Variants in TBATA observed in about 807,000 individuals in gnomAD.
TBATA encodes protein TBATA.
TBATA carries 47 observed loss-of-function variants against 38.7 expected under a neutral mutation model. The observed-to-expected ratio is 1.21, with a 90% CI of 0.96 to 1.55. The LOEUF (loss-of-function observed/expected upper bound fraction) is 1.55. TBATA is among the 40% of genes most tolerant of loss of function. The pLI is 0.00. For synonymous variants in TBATA, 183 were observed against 170.5 expected (o/e 1.07, Z -0.57); for missense variants, 436 against 435.6 (o/e 1.00, Z -0.01).
intron 5 of TBATA, among the ~76,000 whole-genome samples, chr10:70,779,061 G>A (rs1843790852): frequency 1.3e-5 from 2 of 152,342 alleles, no homozygotes; most frequent in South Asian, 4.1e-4. Flanking sequence ...GGGTGGCAAA[G>A]AGAGCAGCAG....
intron 1 of TBATA, 29 bp downstream of exon 1, chr10:70,785,256 C>A (rs755418913): frequency 3.1e-4 from 48 of 152,470 alleles, no homozygotes; most frequent in African/African-American, 1.0e-3. Context: ...CAGGGTCCAT[C>A]TCCTCTCCCG....
chr10:70,774,576 G>T (rs372885484), intron 8 of TBATA, among the ~76,000 whole-genome samples: 1 of 152,074 alleles, frequency 6.6e-6, no homozygotes, highest in Non-Finnish European at 1.5e-5. Context: ...GGATGTGTAC[G>T]CCTTGTTCTT....
chr10:70,772,193 T>G, intron 10 of TBATA: 1 of 545,682 alleles, frequency 1.8e-6, no homozygotes. Context: ...CCACAGAGCC[T>G]TGTTATTCTC....
At chr10:70,782,802 G>A (rs982858282) in intron 3 of TBATA, among the ~76,000 whole-genome samples, 29 of 152,196 alleles carry the variant, frequency 1.9e-4, no homozygotes, top group African/African-American at 6.8e-4. Flanking sequence ...GGCCTGCTGG[G>A]ACCACCTGCC....
chr10:70,782,851 C>T (rs1844425598), intron 3 of TBATA, among the ~76,000 whole-genome samples: 7 of 152,354 alleles, frequency 4.6e-5, no homozygotes, highest in Admixed American at 3.9e-4. Context: ...GTGGCCCTGG[C>T]TGAAGGGAGT....
At chr10:70,775,818 G>C (rs796395609) in intron 7 of TBATA, among the ~76,000 whole-genome samples, 2 of 152,344 alleles carry the variant, frequency 1.3e-5, no homozygotes, top group African/African-American at 4.8e-5. Context: ...GCCTGAGGCG[G>C]GGCAGCACAG....
At chr10:70,774,653 C>T (rs1843157312) in intron 8 of TBATA, among the ~76,000 whole-genome samples, 2 of 152,146 alleles carry the variant, frequency 1.3e-5, no homozygotes, top group Non-Finnish European at 2.9e-5. Flanking sequence ...TGGGGACCTG[C>T]CTTCCTCCTC....
intron 3 of TBATA, 116 bp from the exon 4 acceptor site, chr10:70,782,152 T>A: frequency 7.8e-7 from 1 of 1,279,512 alleles, no homozygotes. Flanking sequence ...TGAAATCTGG[T>A]TTCCTGGGTT....
rs1437113937 is a variant in TBATA at position 70,774,323 on chromosome 10, T to G, written c.810A>C (p.Ala270=). The change falls in exon 9 of 11, where the codon GCA becomes GCC. Residue 270 remains alanine, a synonymous_variant. Coordinates refer to ENST00000456372, the MANE Select transcript of TBATA (RefSeq NM_001318241.2). ...GGGGCTGGGGAAGGAGCTGAGCCAC[T>G]GCTGTCTGCAGGAGTCCCAGAGCGA... is the stretch of plus-strand genomic sequence containing the variant. ...KDLALGLLQT[A]VAQLLPQPLV... 1 of 1,605,220 alleles carries G rather than the reference T, an allele frequency of 6.2e-7. No homozygotes were observed. The highest frequency in any genetic ancestry group is 1.1e-5 in the South Asian group (1 of 88,808).
rs770865624 is a variant in TBATA, at chr10:70,781,800, C to T, written c.277+1G>A. 6.2e-7 allele frequency: 1 copy of T among 1,613,676 alleles called. No homozygotes were observed. Among genetic ancestry groups the T allele is most frequent in the Non-Finnish European group, 8.5e-7 (1 of 1,179,586 alleles). ...TCCCACCCCAACCAGCCAGGCCCTA[C>T]CTTGGATGTGGGTCACGTGCTGGGG... On this transcript the variant is annotated splice_donor_variant, in intron 4 of 10. Transcript: ENST00000456372. LOFTEE classifies it high-confidence loss of function.
At chr10:70,780,624 T>C (rs191518091) in intron 4 of TBATA, among the ~76,000 whole-genome samples, 29 of 152,190 alleles carry the variant, frequency 1.9e-4, no homozygotes, top group African/African-American at 6.0e-4. Flanking sequence ...CAGATCCGAC[T>C]GCACCCCCGT....
At chr10:70,772,876 C>A (rs1473048542) in intron 9 of TBATA, among the ~76,000 whole-genome samples, 1 of 152,194 alleles carries the variant, frequency 6.6e-6, no homozygotes, top group Non-Finnish European at 1.5e-5. Context: ...ATCAGCCCTC[C>A]CCCTAGCCCT....
chr10:70,774,468 C>T (rs188288543), intron 8 of TBATA, 111 bp from the exon 9 acceptor site: 41 of 1,063,220 alleles, frequency 3.9e-5, no homozygotes, highest in Non-Finnish European at 5.0e-5. Context: ...AAGCATCCCA[C>T]CTTCTGCCCT....
At chr10:70,782,706 C>T (rs1844405475) in intron 3 of TBATA, 1 of 917,984 alleles carries the variant, frequency 1.1e-6, no homozygotes, top group African/African-American at 1.8e-5. Flanking sequence ...CTCCTCTACC[C>T]CACACCCCTC....
chr10:70,782,159 G>A, intron 3 of TBATA, 123 bp from the exon 4 acceptor site: 1 of 1,266,566 alleles, frequency 7.9e-7, no homozygotes, highest in East Asian at 2.5e-5. Context: ...TGGTTTCCTG[G>A]GTTTCACCAC....
chr10:70,779,750 G>A lies in TBATA; in HGVS notation c.278-8C>T. On this transcript the variant is annotated splice_polypyrimidine_tract_variant and splice_region_variant and intron_variant, in intron 4 of 10. Transcript: ENST00000456372. ...CAGGCTTCCCGGTGAGATCTGCAAA[G>A]GGTTAGAGGCTGTGGGAAGGGAGGC... 1.3e-6 allele frequency: 2 copies of A among 1,532,026 alleles called. No individual in the cohort carries two copies. The highest frequency in any genetic ancestry group is 1.7e-6 in the Non-Finnish European group (2 of 1,149,170). The allele number at this position is 1,532,026 out of a possible 1,614,324, so 94.9% of individuals were successfully genotyped here.
At chr10:70,783,295 C>T (rs761253964) in intron 3 of TBATA, 44 bp downstream of exon 3, 12 of 1,612,838 alleles carry the variant, frequency 7.4e-6, no homozygotes, top group Non-Finnish European at 6.8e-6. Context: ...CCTGCCCTAC[C>T]CCAAGCCCTC....
chr10:70,773,469 C>CA (rs1564574236), intron 9 of TBATA, among the ~76,000 whole-genome samples: 4 of 151,618 alleles, frequency 2.6e-5, no homozygotes, highest in Admixed American at 6.6e-5. Flanking sequence ...ATACAGGCCC[C>CA]CCCGGCTTCA....
chr10:70,775,153 C>A (rs1362667296), intron 8 of TBATA, 36 bp downstream of exon 8: 1 of 1,583,782 alleles, frequency 6.3e-7, no homozygotes, highest in East Asian at 2.3e-5. Flanking sequence ...CCTTGGCAGC[C>A]TCCACTGAGA....
Sources: gnomAD v4.1 joint callset for allele counts (sites outside exome capture counted in the v4.1 genomes callset) on GRCh38, gnomAD v4.1.1 for gene constraint, MANE v1.5 for transcripts, NCBI Gene and HGNC (gene_info 2026-07-23, HGNC 2026-07-21) for gene names.